The following GUCY1A2 variants were observed in gnomAD, a reference collection of about 807,000 sequenced individuals.
The protein encoded by GUCY1A2 is guanylate cyclase soluble subunit alpha-2.
In GUCY1A2, 27 loss-of-function variants were observed where a neutral mutation model predicts 63.5. The ratio of observed to expected loss-of-function variants is 0.43; its 90% CI spans 0.31 to 0.59. The LOEUF is 0.59. Among genes scored for constraint, GUCY1A2 ranks in the 20% least tolerant of loss-of-function variants. The probability of loss-of-function intolerance (pLI) is 0.11; values close to 1 mark genes in which losing one functional copy is unlikely to be tolerated. For synonymous variants in GUCY1A2, 364 were observed against 343.5 expected (o/e 1.06, Z -0.66); for missense variants, 768 against 913.3 (o/e 0.84, Z 2.05).
At chr11:106,744,330 T>TCCAC (rs1445804028) in intron 6 of GUCY1A2, among the ~76,000 whole-genome samples, 1 of 145,104 alleles carries the variant, frequency 6.9e-6, no homozygotes, top group African/African-American at 2.6e-5. Flanking sequence ...CACTGCAAGC[T>TCCAC]CCACCTCCTG....
Position 106,678,741 on chromosome 11 carries a change from A to G in GUCY1A2, c.*8808T>C. On this transcript the variant is annotated 3_prime_UTR_variant, in exon 8 of 8. Transcript: ENST00000526355. The stretch of plus-strand genomic sequence containing the variant: ...TGCGTTGTTCTATATTCTAATGTGA[A>G]CAAGCTGAAAATACAGTATTATTTG... 5.0e-6 allele frequency: 1 copy of G among 201,688 alleles called. No individual in the cohort carries two copies. The highest frequency in any genetic ancestry group is 1.0e-5 in the Non-Finnish European group (1 of 98,056). 12.5% of individuals were successfully genotyped at this position (201,688 alleles called of 1,614,324 possible). A position where few individuals can be genotyped will look rare whatever the true frequency, so the allele number is the denominator to read the frequency against.
intron 1 of GUCY1A2, among the ~76,000 whole-genome samples, chr11:107,004,580 A>G (rs1425143261): frequency 6.6e-6 from 1 of 152,230 alleles, no homozygotes; most frequent in Non-Finnish European, 1.5e-5. Flanking sequence ...GCCCACAGAG[A>G]GCAACGCTGA....
At chr11:106,690,558 C>T (rs1862605316) in intron 7 of GUCY1A2, among the ~76,000 whole-genome samples, 1 of 152,024 alleles carries the variant, frequency 6.6e-6, no homozygotes, top group South Asian at 2.1e-4. Flanking sequence ...GGGAGAGGTT[C>T]AGGAAAATAA....
intron 4 of GUCY1A2, among the ~76,000 whole-genome samples, chr11:106,935,019 C>T (rs962260392): frequency 6.6e-6 from 1 of 152,172 alleles, no homozygotes; most frequent in African/African-American, 2.4e-5. Flanking sequence ...AAACCTTCAT[C>T]AATCTGACAG....
At position 106,684,973 on chromosome 11, in the gene GUCY1A2, C is replaced by G. The variant is rs956206321; in HGVS notation, c.*2576G>C. 9.8e-6 allele frequency: 2 copies of G among 203,842 alleles called. No homozygotes were observed. The highest frequency in any genetic ancestry group is 2.3e-5 in the African/African-American group (1 of 43,728). The allele number at this position is 203,842 out of a possible 1,614,324, so 12.6% of individuals were successfully genotyped here. A position where few individuals can be genotyped will look rare whatever the true frequency, so the allele number is the denominator to read the frequency against. ...TAATTTTTTCTCCATCTTCTAACTT[C>G]TGTGATTGAAGTTTGAATGAACAGA... On this transcript the variant is annotated 3_prime_UTR_variant, in exon 8 of 8. Coordinates refer to ENST00000526355, the MANE Select transcript of GUCY1A2 (RefSeq NM_000855.3).
chr11:106,736,744 G>C (rs1217377759), intron 6 of GUCY1A2, among the ~76,000 whole-genome samples: 2 of 151,956 alleles, frequency 1.3e-5, no homozygotes, highest in Non-Finnish European at 2.9e-5. Context: ...TAATAATATT[G>C]ATCCTTCCGA....
At chr11:106,927,008 G>T (rs907244211) in intron 4 of GUCY1A2, among the ~76,000 whole-genome samples, 1 of 148,980 alleles carries the variant, frequency 6.7e-6, no homozygotes, top group East Asian at 2.0e-4. Flanking sequence ...TTTAAAAATC[G>T]TATCTACTTA....
At chr11:106,957,855 CTTTTTTTTTTTTTTTT>C (rs59519013) in intron 3 of GUCY1A2, among the ~76,000 whole-genome samples, 4,888 of 87,288 alleles carry the variant, frequency 0.056, 165 homozygotes, top group Admixed American at 0.12. Context: ...AAGGGACAAA[CTTTTTTTTTTTTTTTT>C]TTTTTTTTTT....
At chr11:106,942,016 A>G (rs1359621754) in intron 3 of GUCY1A2, among the ~76,000 whole-genome samples, 2 of 152,336 alleles carry the variant, frequency 1.3e-5, no homozygotes, top group East Asian at 1.9e-4. Flanking sequence ...TGCATTCACT[A>G]ACAATAATGT....
At chr11:106,861,090 G>T (rs961310123) in intron 4 of GUCY1A2, among the ~76,000 whole-genome samples, 1 of 151,924 alleles carries the variant, frequency 6.6e-6, no homozygotes, top group Admixed American at 6.6e-5. Flanking sequence ...ATGTGCTTGA[G>T]TCCTCGCTCT....
At chr11:106,955,330 T>G (rs1161736698) in intron 3 of GUCY1A2, among the ~76,000 whole-genome samples, 1 of 152,232 alleles carries the variant, frequency 6.6e-6, no homozygotes, top group Non-Finnish European at 1.5e-5. Flanking sequence ...TATGTGTGAA[T>G]TTGATTCTGT....
chr11:106,827,175 A>G (rs7128654), intron 4 of GUCY1A2: 2 of 1,500,250 alleles, frequency 1.3e-6, no homozygotes, highest in Non-Finnish European at 1.9e-6. Flanking sequence ...TCAAGCCTTC[A>G]TGCCAATCTG....
intron 4 of GUCY1A2, among the ~76,000 whole-genome samples, chr11:106,843,245 TAAAAC>T (rs901499986): frequency 5.5e-4 from 83 of 151,716 alleles, no homozygotes; most frequent in African/African-American, 2.0e-3. Flanking sequence ...AAAAAAGTAA[TAAAAC>T]AAAATGATAC....
intron 1 of GUCY1A2, among the ~76,000 whole-genome samples, chr11:106,991,615 G>C (rs1414257287): frequency 3.3e-5 from 5 of 152,148 alleles, no homozygotes; most frequent in Non-Finnish European, 4.4e-5. Context: ...AATGAGAATA[G>C]GCTCTTAATT....
At chr11:106,996,081 C>T (rs940375388) in intron 1 of GUCY1A2, among the ~76,000 whole-genome samples, 2 of 152,256 alleles carry the variant, frequency 1.3e-5, no homozygotes, top group East Asian at 1.9e-4. Context: ...TGCACTAACT[C>T]GAACAGTAAT....
At chr11:106,787,230 A>G (rs1864571724) in intron 5 of GUCY1A2, among the ~76,000 whole-genome samples, 1 of 151,736 alleles carries the variant, frequency 6.6e-6, no homozygotes, top group Admixed American at 6.6e-5. Context: ...CTGTTGTGCC[A>G]GCAAATACTA....
At chr11:106,764,842 T>C (rs1864131442) in intron 6 of GUCY1A2, among the ~76,000 whole-genome samples, 1 of 152,004 alleles carries the variant, frequency 6.6e-6, no homozygotes, top group African/African-American at 2.4e-5. Flanking sequence ...CAAACAGATA[T>C]ATCTGGATTC....
At chr11:106,967,927 C>T (rs1257613769) in intron 3 of GUCY1A2, among the ~76,000 whole-genome samples, 1 of 152,116 alleles carries the variant, frequency 6.6e-6, no homozygotes, top group Non-Finnish European at 1.5e-5. Flanking sequence ...AGAAATAGAA[C>T]TAAAGTCCTG....
At chr11:106,952,521 A>G (rs1423133932) in intron 3 of GUCY1A2, among the ~76,000 whole-genome samples, 2 of 152,126 alleles carry the variant, frequency 1.3e-5, no homozygotes, top group East Asian at 1.9e-4. Flanking sequence ...GAGTTCATTC[A>G]TGATTTGGCT....
Sources: allele counts gnomAD v4.1 joint callset (sites outside exome capture counted in the v4.1 genomes callset), GRCh38; gene constraint gnomAD v4.1.1; transcripts MANE v1.5; gene names NCBI Gene and HGNC (gene_info 2026-07-23, HGNC 2026-07-21).